The following ABTB2 variants were observed in gnomAD, a reference collection of about 807,000 sequenced individuals.
ABTB2 encodes ankyrin repeat and BTB/POZ domain-containing protein 2.
A neutral mutation model predicts 104.1 loss-of-function variants in ABTB2; 56 were observed. That is an observed-to-expected ratio of 0.54 (90% confidence interval 0.43 to 0.67). ABTB2 has a LOEUF of 0.67. ABTB2 is among the 30% of genes least tolerant of loss of function. The probability of loss-of-function intolerance (pLI) is 0.00; values close to 1 mark genes in which losing one functional copy is unlikely to be tolerated. For synonymous variants in ABTB2, 606 were observed against 608.2 expected, an observed-to-expected ratio of 1.00 and a Z score of 0.05; for missense variants, 1,279 against 1,407.7, an observed-to-expected ratio of 0.91 and a Z score of 1.46.
At chr11:34,183,528 G>A (rs116991840) in intron 3 of ABTB2, among the ~76,000 whole-genome samples, 600 of 152,336 alleles carry the variant, frequency 3.9e-3, no homozygotes, top group Non-Finnish European at 6.6e-3. Flanking sequence ...GACTGCCCAC[G>A]GTGGCCTGCT....
At chr11:34,322,551 G>A (rs1053982474) in intron 1 of ABTB2, among the ~76,000 whole-genome samples, 4 of 151,784 alleles carry the variant, frequency 2.6e-5, no homozygotes, top group Non-Finnish European at 2.9e-5. Flanking sequence ...CTCCAGCCTA[G>A]GTGACACAGT....
At chr11:34,350,804 A>C (rs942148849) in intron 1 of ABTB2, among the ~76,000 whole-genome samples, 13 of 152,220 alleles carry the variant, frequency 8.5e-5, no homozygotes, top group Admixed American at 8.5e-4. Context: ...GCTACCTTGG[A>C]TTCTGTAATT....
intron 1 of ABTB2, among the ~76,000 whole-genome samples, chr11:34,288,298 G>A (rs989973496): frequency 6.6e-6 from 1 of 152,068 alleles, no homozygotes; most frequent in African/African-American, 2.4e-5. Flanking sequence ...CACCTACTTA[G>A]CTAGATCTGT....
At chr11:34,179,455 G>A (rs927767235) in intron 3 of ABTB2, among the ~76,000 whole-genome samples, 4 of 152,178 alleles carry the variant, frequency 2.6e-5, no homozygotes, top group Admixed American at 6.5e-5. Context: ...GCTGGCAGGC[G>A]GCGCTGGCAC....
intron 1 of ABTB2, among the ~76,000 whole-genome samples, chr11:34,225,346 C>T (rs916466172): frequency 6.6e-6 from 1 of 152,190 alleles, no homozygotes; most frequent in Non-Finnish European, 1.5e-5. Flanking sequence ...TGCAAGACCC[C>T]GCCACTGTTA....
intron 14 of ABTB2, among the ~76,000 whole-genome samples, chr11:34,155,357 G>A (rs1852609309): frequency 2.6e-5 from 4 of 152,100 alleles, no homozygotes; most frequent in South Asian, 2.1e-4. Context: ...GCCCAGGCCC[G>A]GAGGCCCGGA....
chr11:34,216,738 G>A (rs1353493650), intron 1 of ABTB2, among the ~76,000 whole-genome samples: 1 of 152,046 alleles, frequency 6.6e-6, no homozygotes, highest in Non-Finnish European at 1.5e-5. Context: ...AGCAACAAGA[G>A]CGAAATTCCA....
At chr11:34,241,673 C>T (rs1853917793) in intron 1 of ABTB2, among the ~76,000 whole-genome samples, 1 of 152,212 alleles carries the variant, frequency 6.6e-6, no homozygotes, top group East Asian at 1.9e-4. Flanking sequence ...AGGAGGATCG[C>T]TTGAGCCCAG....
At position 34,197,483 on chromosome 11, in the gene ABTB2, C is replaced by T. The variant is rs748835331; in HGVS notation, c.1086G>A (p.Pro362=). ...GGGCCTGGCGGGCAGGGCTGGCACC[C>T]GGGCACAGGGGGTGACGCCCCTGCA... The part of the protein sequence containing the change: ...HHMQGRHPLC[P]GASPARQARQ... The change falls in exon 3 of 17, where the codon CCG becomes CCA. Residue 362 remains proline, a synonymous_variant. Coordinates refer to ENST00000435224, the MANE Select transcript of ABTB2 (RefSeq NM_145804.3). 52 of 1,580,596 alleles carry T rather than the reference C, an allele frequency of 3.3e-5. No homozygotes were observed. The highest frequency in any genetic ancestry group is 2.5e-4 in the Admixed American group (14 of 56,922).
At chr11:34,277,000 C>T (rs1283810830) in intron 1 of ABTB2, among the ~76,000 whole-genome samples, 1 of 151,478 alleles carries the variant, frequency 6.6e-6, no homozygotes, top group Non-Finnish European at 1.5e-5. Flanking sequence ...CTCCCAGGTT[C>T]AAGTGATTCT....
At chr11:34,346,563 C>T (rs11821949) in intron 1 of ABTB2, among the ~76,000 whole-genome samples, 6,817 of 152,166 alleles carry the variant, frequency 0.045, 403 homozygotes, top group East Asian at 0.25. Flanking sequence ...TCAAAGAGCT[C>T]GTCCAGCACC....
intron 1 of ABTB2, among the ~76,000 whole-genome samples, chr11:34,245,825 C>T (rs1372224733): frequency 1.3e-5 from 2 of 152,236 alleles, no homozygotes; most frequent in Non-Finnish European, 1.5e-5. Context: ...AAAAGCCCAT[C>T]TCACCAGCTC....
At chr11:34,246,779 T>C (rs1853988930) in intron 1 of ABTB2, among the ~76,000 whole-genome samples, 1 of 151,860 alleles carries the variant, frequency 6.6e-6, no homozygotes. Context: ...TTCTTTGTAT[T>C]GAGCCTCAGA....
intron 1 of ABTB2, among the ~76,000 whole-genome samples, chr11:34,314,002 G>C (rs1457672473): frequency 6.6e-6 from 1 of 152,166 alleles, no homozygotes; most frequent in Non-Finnish European, 1.5e-5. Context: ...TGTGGGTGCT[G>C]CCTGTTATGT....
chr11:34,293,502 CA>C (rs975029603), intron 1 of ABTB2, among the ~76,000 whole-genome samples: 4 of 152,098 alleles, frequency 2.6e-5, no homozygotes, highest in Non-Finnish European at 5.9e-5. Flanking sequence ...GAATAATTCT[CA>C]AAAGGGGCTG....
chr11:34,276,534 C>T (rs1854383683), intron 1 of ABTB2, among the ~76,000 whole-genome samples: 1 of 152,184 alleles, frequency 6.6e-6, no homozygotes, highest in Non-Finnish European at 1.5e-5. Context: ...CCCAGCCTGG[C>T]TCTCCCCCAT....
chr11:34,198,339 C>T (rs1172548775), intron 2 of ABTB2, among the ~76,000 whole-genome samples: 2 of 152,044 alleles, frequency 1.3e-5, no homozygotes, highest in Non-Finnish European at 2.9e-5. Context: ...GCAGGAGAAT[C>T]GCTTTAACCT....
chr11:34,178,862 A>G (rs1239695258), intron 3 of ABTB2, among the ~76,000 whole-genome samples: 1 of 152,096 alleles, frequency 6.6e-6, no homozygotes, highest in Non-Finnish European at 1.5e-5. Context: ...GATTACTGGA[A>G]GTCAGGAGTT....
intron 1 of ABTB2, among the ~76,000 whole-genome samples, chr11:34,325,420 G>A (rs909313319): frequency 2.0e-5 from 3 of 152,266 alleles, no homozygotes; most frequent in Admixed American, 1.3e-4. Flanking sequence ...TGCTGCCGAC[G>A]TGACCTTAGG....
Sources: allele counts gnomAD v4.1 joint callset (sites outside exome capture counted in the v4.1 genomes callset), GRCh38; gene constraint gnomAD v4.1.1; transcripts MANE v1.5; gene names NCBI Gene and HGNC (gene_info 2026-07-23, HGNC 2026-07-21).